The following MAST2 variants were observed in gnomAD, a reference collection of about 807,000 sequenced individuals.
MAST2 encodes the protein microtubule associated serine/threonine kinase 2.
MAST2 carries 70 observed loss-of-function variants against 147.4 expected under a neutral mutation model. That is an observed-to-expected ratio of 0.47 (90% CI 0.39 to 0.58). The LOEUF (loss-of-function observed/expected upper bound fraction) is 0.58. Ranked by LOEUF, MAST2 falls within the 20% of genes least tolerant of loss-of-function variation. The pLI is 0.00. For synonymous variants in MAST2, 869 were observed against 896.8 expected (o/e 0.97, Z 0.55); for missense variants, 2,080 against 2,302.3 (o/e 0.90, Z 1.98).
At chr1:46,030,562 T>C in intron 21 of MAST2, 45 bp from the exon 22 acceptor site, 2 of 1,555,244 alleles carry the variant, frequency 1.3e-6, no homozygotes, top group Non-Finnish European at 1.7e-6. Context: ...ACTTGGGAGG[T>C]ACGGCTGCCA....
At chr1:45,983,537 C>A (rs953500712) in intron 5 of MAST2, among the ~76,000 whole-genome samples, 2 of 150,006 alleles carry the variant, frequency 1.3e-5, no homozygotes, top group Non-Finnish European at 1.5e-5. Context: ...GTTACCCAGG[C>A]TGGAGTGCAG....
chr1:45,922,109 A>T (rs1653598202), intron 4 of MAST2, among the ~76,000 whole-genome samples: 1 of 152,068 alleles, frequency 6.6e-6, no homozygotes, highest in Non-Finnish European at 1.5e-5. Flanking sequence ...TGGTCCCATT[A>T]TCTCCCTATG....
chr1:45,849,851 T>C (rs1645568168), intron 3 of MAST2, among the ~76,000 whole-genome samples: 1 of 152,220 alleles, frequency 6.6e-6, no homozygotes, highest in African/African-American at 2.4e-5. Context: ...TAGTCCACTG[T>C]TGATGGGCAC....
chr1:46,014,114 G>T (rs1278296700), intron 10 of MAST2, among the ~76,000 whole-genome samples: 1 of 151,846 alleles, frequency 6.6e-6, no homozygotes, highest in East Asian at 1.9e-4. Flanking sequence ...GATATTATTG[G>T]TAATTATATC....
intron 4 of MAST2, among the ~76,000 whole-genome samples, chr1:45,935,438 C>T (rs772894927): frequency 2.0e-5 from 3 of 151,998 alleles, no homozygotes; most frequent in Admixed American, 6.6e-5. Flanking sequence ...GTTGCAATTG[C>T]TTTTGGTGTC....
chr1:45,879,776 T>C (rs1646765994), intron 3 of MAST2, among the ~76,000 whole-genome samples: 1 of 152,204 alleles, frequency 6.6e-6, no homozygotes, highest in East Asian at 1.9e-4. Flanking sequence ...ATATTGATGG[T>C]TAATAAGCAC....
Position 46,034,079 on chromosome 1 carries a change from A to T in MAST2, c.3681A>T (p.Lys1227Asn). The change falls in exon 28 of 29, where the codon AAA becomes AAT. Residue 1227 changes from lysine to asparagine, a missense_variant. Transcript: ENST00000361297. Reference protein sequence around the residue: ...SRGKDGQESRKRSSLFRKITK... With the variant: ...SRGKDGQESRNRSSLFRKITK... ...TTGACCCTTATCCCCGCAGCAGAAA[A>T]AGGAGCTCCCTGTTCCGCAAGATCA... The T allele has an allele frequency of 6.2e-7, 1 of 1,613,154 alleles. No individual in the cohort carries two copies. Among genetic ancestry groups the T allele is most frequent in the Non-Finnish European group, 8.5e-7 (1 of 1,179,506 alleles).
In MAST2 at chr1:46,035,851, GA is replaced by G. The variant is rs757433654; in HGVS notation, c.5183del (p.Glu1728GlyfsTer8). The G allele has an allele frequency of 1.9e-6, 3 of 1,613,974 alleles. No homozygotes were observed. In the African/African-American group the frequency reaches 4.0e-5, roughly 22 times the overall value. On this transcript the variant is annotated frameshift_variant, in exon 29 of 29. Transcript: ENST00000361297. LOFTEE classifies it high-confidence loss of function. This position sits in a 1 kb window ranked among gnomAD's most constrained non-coding sequence, Gnocchi z 5.5. ...GGATCCCAGCCAGGGCTGGCTATGG[GA>G]GTCTGAGTGTGCACAAGCAGTGAAA... is the stretch of plus-strand genomic sequence containing the variant. ...YEDPSQGWLW[E>X]SECAQAVKED...
intron 5 of MAST2, among the ~76,000 whole-genome samples, chr1:45,978,824 G>T (rs1029029592): frequency 6.6e-6 from 1 of 152,192 alleles, no homozygotes; most frequent in Non-Finnish European, 1.5e-5. Context: ...CCAGGGGCTC[G>T]TGTAGATGGA....
Position 45,981,273 on chromosome 1 carries a change from T to G in MAST2, c.593-16451T>G, listed in dbSNP as rs768814879. 2.6e-5 allele frequency among the ~76,000 whole-genome samples: 4 copies of G among 152,234 alleles called. No individual in the cohort carries two copies. The East Asian group carries it at 7.7e-4, about 29-fold the overall frequency. ...TTTTAGTAGAGATGGGATTTCACCATGTTGGCCCGTCTGGTCTCAAACTCC... is the reference window on the plus strand; with the variant it reads ...TTTTAGTAGAGATGGGATTTCACCAGGTTGGCCCGTCTGGTCTCAAACTCC... On this transcript the variant is annotated intron_variant, in intron 5 of 28. Coordinates refer to ENST00000361297, the MANE Select transcript of MAST2 (RefSeq NM_015112.3).
intron 5 of MAST2, among the ~76,000 whole-genome samples, chr1:45,964,302 T>G (rs554669884): frequency 4.6e-5 from 7 of 152,338 alleles, no homozygotes; most frequent in African/African-American, 1.4e-4. Context: ...TACCAGCTCC[T>G]TCTTGTACCT....
chr1:46,023,750 T>G lies in MAST2; in HGVS notation c.1572-22T>G. ...TCAGGTGCTGAGGGTCCATGGGGGA[T>G]GGGCCGGACTTTGTTTCCCAGGGCT... On this transcript the variant is annotated intron_variant, in intron 14 of 28. Coordinates refer to ENST00000361297, the MANE Select transcript of MAST2 (RefSeq NM_015112.3). The surrounding 1 kb of genome is among the most constrained non-coding windows in gnomAD (Gnocchi z 4.9). 6.2e-7 allele frequency: 1 copy of G among 1,610,638 alleles called. No homozygotes were observed.
chr1:45,896,617 C>A (rs1648778977), intron 4 of MAST2, among the ~76,000 whole-genome samples: 1 of 152,090 alleles, frequency 6.6e-6, no homozygotes, highest in Admixed American at 6.5e-5. Flanking sequence ...GGTTGGGGAA[C>A]ATTAAAGTGA....
At chr1:45,920,046 C>G (rs1025873728) in intron 4 of MAST2, among the ~76,000 whole-genome samples, 2 of 152,072 alleles carry the variant, frequency 1.3e-5, no homozygotes, top group Non-Finnish European at 2.9e-5. Flanking sequence ...CAGGGCAGCA[C>G]TTGAGGCTAA....
chr1:45,938,275 T>C (rs931070856), intron 4 of MAST2, among the ~76,000 whole-genome samples: 4 of 152,212 alleles, frequency 2.6e-5, no homozygotes, highest in African/African-American at 9.6e-5. Context: ...ACATATGTTT[T>C]TATTTCTTTT....
chr1:46,032,705 A>G lies in MAST2; in HGVS notation c.3524A>G (p.Glu1175Gly). Residue 1175 changes from glutamate to glycine, a missense_variant, in exon 26 of 29, where the codon GAG becomes GGG. Coordinates refer to ENST00000361297, the MANE Select transcript of MAST2 (RefSeq NM_015112.3). ...VHGLVHTEVV[E>G]LILKSGNKVA... Reference sequence around the variant, plus strand: ...GGCCTGGTGCACACGGAGGTGGTAGAGCTGATCCTGAAGGTTAGTGCTGGG... The same window carrying G: ...GGCCTGGTGCACACGGAGGTGGTAGGGCTGATCCTGAAGGTTAGTGCTGGG... 1 of 1,613,480 alleles carries G rather than the reference A, an allele frequency of 6.2e-7. No individual in the cohort carries two copies. The highest frequency in any genetic ancestry group is 1.1e-5 in the South Asian group (1 of 91,026).
At chr1:45,906,274 A>G (rs1487720956) in intron 4 of MAST2, among the ~76,000 whole-genome samples, 1 of 152,156 alleles carries the variant, frequency 6.6e-6, no homozygotes, top group Non-Finnish European at 1.5e-5. Flanking sequence ...TAAGATTATA[A>G]AGGAGCTGAA....
chr1:45,813,698 C>T lies in MAST2; in HGVS notation c.177+9626C>T, dbSNP rs900187371. 2.0e-5 allele frequency among the ~76,000 whole-genome samples: 3 copies of T among 152,054 alleles called. No individual in the cohort carries two copies. In the South Asian group the frequency reaches 6.2e-4, roughly 31 times the overall value. On this transcript the variant is annotated intron_variant, in intron 1 of 28. Transcript: ENST00000361297. ...ATTTTTAGTAGAGACAGTGTTTCAC[C>T]ATGTTGGCCAGGCTGGTCTCGAACT... is the stretch of plus-strand genomic sequence containing the variant.
At chr1:45,836,541 C>T (rs569115155) in intron 3 of MAST2, among the ~76,000 whole-genome samples, 1 of 152,126 alleles carries the variant, frequency 6.6e-6, no homozygotes, top group Admixed American at 6.5e-5. Context: ...AGAGGAAAAA[C>T]CCATAGACGT....
Sources: gnomAD v4.1 joint callset for allele counts (sites outside exome capture counted in the v4.1 genomes callset) on GRCh38, gnomAD v4.1.1 for gene constraint, Gnocchi (gnomAD v3.1) non-coding constraint, MANE v1.5 for transcripts, NCBI Gene and HGNC (gene_info 2026-07-23, HGNC 2026-07-21) for gene names.